KCNIP4: variants seen among roughly 807,000 people sequenced by gnomAD.
KCNIP4 encodes the protein Kv channel-interacting protein 4.
In KCNIP4, 12 loss-of-function variants were observed where a neutral mutation model predicts 34.0. The observed-to-expected ratio is 0.35, with a 90% CI of 0.23 to 0.57. The LOEUF (loss-of-function observed/expected upper bound fraction) is 0.57. KCNIP4 is among the 20% of genes least tolerant of loss of function. The pLI is 0.83. For synonymous variants in KCNIP4, 124 were observed against 102.2 expected (o/e 1.21, Z -1.29); for missense variants, 238 against 311.7 (o/e 0.76, Z 1.78).
chr4:21,393,547 G>T (rs200366205), intron 1 of KCNIP4, among the ~76,000 whole-genome samples: 47 of 152,178 alleles, frequency 3.1e-4, no homozygotes, highest in East Asian at 1.2e-3. Context: ...GTGATGCAAG[G>T]ATTTCAGTAT....
At chr4:21,500,860 G>C (rs2109887577) in intron 1 of KCNIP4, among the ~76,000 whole-genome samples, 1 of 152,226 alleles carries the variant, frequency 6.6e-6, no homozygotes, top group South Asian at 2.1e-4. Flanking sequence ...GAGTTGAAGA[G>C]GAGGATGACA....
intron 2 of KCNIP4, among the ~76,000 whole-genome samples, chr4:20,866,199 A>C (rs1344580692): frequency 1.3e-5 from 2 of 152,078 alleles, no homozygotes; most frequent in African/African-American, 2.4e-5. Context: ...GCAAGGACTC[A>C]ACCAAAAATG....
intron 1 of KCNIP4, among the ~76,000 whole-genome samples, chr4:21,175,258 T>C (rs1400836077): frequency 6.6e-6 from 1 of 152,160 alleles, no homozygotes; most frequent in Non-Finnish European, 1.5e-5. Context: ...TCTTCCTATC[T>C]TTGGGAGGGT....
chr4:20,860,791 T>C (rs1002766872), intron 2 of KCNIP4, among the ~76,000 whole-genome samples: 5 of 152,166 alleles, frequency 3.3e-5, no homozygotes, highest in African/African-American at 1.2e-4. Flanking sequence ...GAAAGATTCT[T>C]GACCATAGCA....
chr4:21,290,248 ACTC>A (rs1174277273), intron 1 of KCNIP4, among the ~76,000 whole-genome samples: 1 of 151,840 alleles, frequency 6.6e-6, no homozygotes, highest in Non-Finnish European at 1.5e-5. Flanking sequence ...CAAACTCATA[ACTC>A]CTCAATGTTA....
chr4:21,869,888 C>G (rs1386158139), intron 1 of KCNIP4, among the ~76,000 whole-genome samples: 1 of 152,134 alleles, frequency 6.6e-6, no homozygotes, highest in Non-Finnish European at 1.5e-5. Flanking sequence ...CTGGCTTAGG[C>G]AATGAGGTGT....
intron 1 of KCNIP4, among the ~76,000 whole-genome samples, chr4:21,776,546 C>G (rs138880242): frequency 6.6e-6 from 1 of 152,142 alleles, no homozygotes; most frequent in African/African-American, 2.4e-5. Context: ...TTATCCTTTC[C>G]TAAGTTTCCT....
intron 1 of KCNIP4, among the ~76,000 whole-genome samples, chr4:21,398,856 C>T (rs1338996414): frequency 2.0e-5 from 3 of 152,202 alleles, no homozygotes; most frequent in Non-Finnish European, 4.4e-5. Context: ...TAAGAAATCA[C>T]TTATTTACTA....
At chr4:20,972,761 T>C (rs867730526) in intron 1 of KCNIP4, among the ~76,000 whole-genome samples, 2 of 152,090 alleles carry the variant, frequency 1.3e-5, no homozygotes, top group Non-Finnish European at 2.9e-5. Flanking sequence ...AGTTGCCTGA[T>C]TTAGCATAAT....
intron 1 of KCNIP4, among the ~76,000 whole-genome samples, chr4:21,187,119 T>C (rs550030412): frequency 6.6e-6 from 1 of 152,344 alleles, no homozygotes; most frequent in South Asian, 2.1e-4. Context: ...GTAATTCATT[T>C]ATTTTGTTAA....
chr4:21,907,832 TCA>T (rs1487746079), intron 1 of KCNIP4, among the ~76,000 whole-genome samples: 1 of 151,980 alleles, frequency 6.6e-6, no homozygotes, highest in Non-Finnish European at 1.5e-5. Flanking sequence ...AACTTCATAC[TCA>T]CAGTGGAAAT....
chr4:21,599,411 G>A (rs955276313), intron 1 of KCNIP4, among the ~76,000 whole-genome samples: 7 of 151,548 alleles, frequency 4.6e-5, no homozygotes, highest in Non-Finnish European at 7.4e-5. Flanking sequence ...AATTAATTTC[G>A]AAGTTCACAA....
intron 1 of KCNIP4, among the ~76,000 whole-genome samples, chr4:21,051,611 T>TG (rs977703177): frequency 3.3e-5 from 5 of 152,244 alleles, no homozygotes; most frequent in African/African-American, 1.2e-4. Context: ...ATTCTCAAAA[T>TG]GGCAGTAAGG....
At chr4:20,871,901 A>G (rs564997620) in intron 2 of KCNIP4, among the ~76,000 whole-genome samples, 1 of 152,278 alleles carries the variant, frequency 6.6e-6, no homozygotes, top group Admixed American at 6.5e-5. Context: ...ATTAAGTGAA[A>G]AGAGTTGGAA....
intron 1 of KCNIP4, among the ~76,000 whole-genome samples, chr4:21,565,064 C>A (rs187044853): frequency 2.2e-4 from 33 of 152,234 alleles, no homozygotes; most frequent in Admixed American, 2.0e-3. Context: ...AGCAGAGTGA[C>A]CCAAGGCAAG....
At chr4:20,758,697 C>T (rs1754688287) in intron 4 of KCNIP4, 124 bp downstream of exon 4, 1 of 731,294 alleles carries the variant, frequency 1.4e-6, no homozygotes, top group Non-Finnish European at 2.4e-6. Context: ...CACTTGCATG[C>T]TGTGCATTAA....
intron 1 of KCNIP4, among the ~76,000 whole-genome samples, chr4:21,169,660 T>TTTTG (rs1553948468): frequency 7.3e-6 from 1 of 136,208 alleles, no homozygotes; most frequent in Non-Finnish European, 1.6e-5. Context: ...TACTTTATAT[T>TTTTG]TGTGTGTGTG....
chr4:20,734,558 C>CAATT, intron 6 of KCNIP4, 70 bp downstream of exon 6: 4 of 731,068 alleles, frequency 5.5e-6, no homozygotes, highest in Non-Finnish European at 8.6e-6. Context: ...TTAATAATTG[C>CAATT]AATTAATATT....
At chr4:21,417,237 G>C (rs925878112) in intron 1 of KCNIP4, among the ~76,000 whole-genome samples, 1 of 151,950 alleles carries the variant, frequency 6.6e-6, no homozygotes, top group African/African-American at 2.4e-5. Context: ...GAGAGAGACT[G>C]TATTTCCATC....
Sources: gnomAD v4.1 joint callset for allele counts (sites outside exome capture counted in the v4.1 genomes callset) on GRCh38, gnomAD v4.1.1 for gene constraint, MANE v1.5 for transcripts, NCBI Gene and HGNC (gene_info 2026-07-23, HGNC 2026-07-21) for gene names.